Variants in MAP4K5 observed in about 807,000 individuals in gnomAD.
MAP4K5 encodes the protein mitogen-activated protein kinase kinase kinase kinase 5.
A neutral mutation model predicts 135.6 loss-of-function variants in MAP4K5; 82 were observed. The ratio of observed to expected loss-of-function variants is 0.60; its 90% CI spans 0.51 to 0.73. The LOEUF is 0.73. Among genes scored for constraint, MAP4K5 ranks in the 30% least tolerant of loss-of-function variants. The pLI is 0.00. For missense variants in MAP4K5, 907 were observed against 1,010.9 expected, an observed-to-expected ratio of 0.90 and a Z score of 1.39; for synonymous variants, 347 against 335.0, an observed-to-expected ratio of 1.04 and a Z score of -0.39.
At chr14:50,523,238 G>C (rs1225953001) in intron 2 of MAP4K5, among the ~76,000 whole-genome samples, 1 of 152,140 alleles carries the variant, frequency 6.6e-6, no homozygotes, top group Non-Finnish European at 1.5e-5. Context: ...TTGAACCTGG[G>C]AGGTGGAGGT....
Position 50,434,967 on chromosome 14 carries a change from T to A in MAP4K5, c.1981A>T (p.Ile661Leu). 6.3e-7 allele frequency: 1 copy of A among 1,592,844 alleles called. No individual in the cohort carries two copies. Among genetic ancestry groups the A allele is most frequent in the South Asian group, 1.1e-5 (1 of 89,842 alleles). ...WYEPMQKFMLIKHFDFPLPSP... is the reference protein window; with the variant it reads ...WYEPMQKFMLLKHFDFPLPSP... ...GTGAACAAAATAATATATACCTTTA[T>A]CAACATGAATTTCTGCATTGGCTCA... The change falls in exon 27 of 33, where the codon ATA (isoleucine) becomes TTA (leucine). Residue 661 changes from isoleucine to leucine, a missense_variant. Ile to Leu is a conservative substitution (Grantham distance 5). This residue lies in a region of MAP4K5 where 690 missense variants were observed against 777.4 expected (regional missense o/e 0.89). Transcript: ENST00000682126.
intron 28 of MAP4K5, 80 bp downstream of exon 28, chr14:50,434,306 CTGGTGTTT>C: frequency 1.1e-6 from 1 of 926,260 alleles, no homozygotes; most frequent in South Asian, 1.7e-5. Flanking sequence ...AGAGCCCACA[CTGGTGTTT>C]TGCTTCTTTT....
chr14:50,466,366 A>G (rs544165652), intron 11 of MAP4K5, among the ~76,000 whole-genome samples: 20 of 144,316 alleles, frequency 1.4e-4, no homozygotes, highest in Non-Finnish European at 2.4e-4. Context: ...TGGATAACAC[A>G]GCAAAATCCT....
At position 50,560,298 on chromosome 14, in the gene MAP4K5, G is replaced by C. The variant is rs765421231; in HGVS notation, c.-180+742C>G. On this transcript the variant is annotated intron_variant, in intron 1 of 8. Coordinates refer to the MAP4K5 transcript ENST00000555216. ...AGAACCGCAGGGACAGAAACAGTTG[G>C]GGTGAGTAGCAAATGAGAACTTCTG... 16 of 1,613,942 alleles carry C rather than the reference G, an allele frequency of 9.9e-6. No homozygotes were observed. Among genetic ancestry groups the C allele is most frequent in the Non-Finnish European group, 1.1e-5 (13 of 1,179,876 alleles).
At chr14:50,521,914 A>G (rs977395433) in intron 2 of MAP4K5, among the ~76,000 whole-genome samples, 2 of 152,226 alleles carry the variant, frequency 1.3e-5, no homozygotes, top group Admixed American at 1.3e-4. Context: ...TACTCAAAAT[A>G]GTCCAATACC....
chr14:50,537,208 A>T (rs893835926), upstream of MAP4K5, among the ~76,000 whole-genome samples: 20 of 152,198 alleles, frequency 1.3e-4, no homozygotes, highest in African/African-American at 4.8e-4. Context: ...AGGGGCCAAC[A>T]TAGAGCTGGG....
At chr14:50,526,203 T>C (rs924242269) in intron 2 of MAP4K5, among the ~76,000 whole-genome samples, 9 of 152,228 alleles carry the variant, frequency 5.9e-5, no homozygotes, top group Non-Finnish European at 1.3e-4. Flanking sequence ...TCTCTCTCCC[T>C]TCCTTCATCC....
At chr14:50,467,703 T>G (rs1457309848) in intron 10 of MAP4K5, among the ~76,000 whole-genome samples, 1 of 152,102 alleles carries the variant, frequency 6.6e-6, no homozygotes, top group Non-Finnish European at 1.5e-5. Flanking sequence ...CTGAAACATT[T>G]GTATTGCCCA....
intron 2 of MAP4K5, among the ~76,000 whole-genome samples, chr14:50,509,970 G>C (rs538372511): frequency 1.2e-4 from 18 of 152,212 alleles, no homozygotes; most frequent in Middle Eastern, 3.4e-3. Context: ...AAATTGTGAC[G>C]GTTGAAAAAT....
chr14:50,521,700 C>T (rs1224794352), intron 2 of MAP4K5, among the ~76,000 whole-genome samples: 1 of 152,156 alleles, frequency 6.6e-6, no homozygotes, highest in Non-Finnish European at 1.5e-5. Flanking sequence ...CCAAACACCT[C>T]CAAGGACAGA....
intron 1 of MAP4K5, among the ~76,000 whole-genome samples, chr14:50,545,299 C>T (rs769680066): frequency 6.6e-6 from 1 of 152,194 alleles, no homozygotes; most frequent in South Asian, 2.1e-4. Context: ...GTCTGAGTCA[C>T]GTTTTGGTCT....
chr14:50,492,521 G>C (rs1163323705), intron 3 of MAP4K5, among the ~76,000 whole-genome samples: 1 of 151,498 alleles, frequency 6.6e-6, no homozygotes, highest in Non-Finnish European at 1.5e-5. Context: ...TTGAGCCCAG[G>C]AGTTCAAGGC....
chr14:50,433,807 CA>C (rs2036028209), intron 28 of MAP4K5, among the ~76,000 whole-genome samples: 1 of 152,154 alleles, frequency 6.6e-6, no homozygotes, highest in Non-Finnish European at 1.5e-5. Context: ...AGGAAACTAG[CA>C]AAATGGAGGC....
Position 50,468,734 on chromosome 14 carries a change from T to C in MAP4K5, c.591A>G (p.Gln197=), listed in dbSNP as rs761653690. ...AAVEKNGGYN[Q]LCDIWAVGIT... ...TTCCTACTGCCCAGATATCACAGAG[T>C]TGGTTGTAGCCACCATTCTTCTCTA... The change falls in exon 10 of 33, where the codon CAA becomes CAG. Residue 197 remains glutamine (Q), a synonymous_variant. Transcript: ENST00000682126. The C allele has an allele frequency of 1.9e-6, 3 of 1,612,514 alleles. No homozygotes were observed. Among genetic ancestry groups the C allele is most frequent in the Admixed American group, 3.3e-5 (2 of 59,792 alleles).
At chr14:50,462,026 G>C (rs919318186) in intron 13 of MAP4K5, among the ~76,000 whole-genome samples, 1 of 152,032 alleles carries the variant, frequency 6.6e-6, no homozygotes, top group Non-Finnish European at 1.5e-5. Context: ...TAATAGTTTT[G>C]AAATACTGAA....
chr14:50,521,075 C>T (rs1048660161), intron 2 of MAP4K5, among the ~76,000 whole-genome samples: 5 of 152,130 alleles, frequency 3.3e-5, no homozygotes, highest in Non-Finnish European at 5.9e-5. Context: ...CCCACCTTGG[C>T]CTTCCAAAGT....
Position 50,418,536 on chromosome 14 carries a change from A to G in MAP4K5, c.*1483T>C, listed in dbSNP as rs1010257543. 1.3e-5 allele frequency: 2 copies of G among 152,640 alleles called. No homozygotes were observed. Among genetic ancestry groups the G allele is most frequent in the Non-Finnish European group, 2.9e-5 (2 of 68,042 alleles). The allele number at this position is 152,640 out of a possible 1,614,324, so 9.5% of individuals were successfully genotyped here. ...TAACTTTATATTCCATTTGTATAACATTTTATTGTTTGCGTATTGCATAGT... is the reference window on the plus strand; with the variant it reads ...TAACTTTATATTCCATTTGTATAACGTTTTATTGTTTGCGTATTGCATAGT... On this transcript the variant is annotated 3_prime_UTR_variant, in exon 33 of 33. Transcript: ENST00000682126.
At chr14:50,433,976 G>A (rs61984269) in intron 28 of MAP4K5, among the ~76,000 whole-genome samples, 8,674 of 152,258 alleles carry the variant, frequency 0.057, 347 homozygotes, top group Non-Finnish European at 0.086. Context: ...CAACACCTAA[G>A]AAGCTTCTAT....
chr14:50,548,731 C>T (rs1309864786), intron 1 of MAP4K5, among the ~76,000 whole-genome samples: 3 of 151,940 alleles, frequency 2.0e-5, no homozygotes, highest in Non-Finnish European at 2.9e-5. Flanking sequence ...AGGATGGTCT[C>T]GATCTCCTGA....
Sources: gnomAD v4.1 joint callset for allele counts (sites outside exome capture counted in the v4.1 genomes callset) on GRCh38, gnomAD v4.1.1 for gene constraint, gnomAD v4.1.1 regional missense constraint, MANE v1.5 for transcripts, NCBI Gene and HGNC (gene_info 2026-07-23, HGNC 2026-07-21) for gene names.